The following DNAH11 variants were observed in gnomAD, a reference collection of about 807,000 sequenced individuals.
The protein encoded by DNAH11 is axonemal beta dynein heavy chain 11.
A neutral mutation model predicts 526.0 loss-of-function variants in DNAH11; 442 were observed. The ratio of observed to expected loss-of-function variants is 0.84; its 90% CI spans 0.78 to 0.91. The LOEUF (loss-of-function observed/expected upper bound fraction) is 0.91. Among genes scored for constraint, DNAH11 ranks in the 40% least tolerant of loss-of-function variants. The pLI is 0.00. For synonymous variants in DNAH11, 2,461 were observed against 1,935.9 expected, an observed-to-expected ratio of 1.27 and a Z score of -7.12; for missense variants, 6,989 against 5,448.7, an observed-to-expected ratio of 1.28 and a Z score of -8.90.
At chr7:21,733,656 C>T (rs1362559591) in intron 45 of DNAH11, among the ~76,000 whole-genome samples, 2 of 152,168 alleles carry the variant, frequency 1.3e-5, no homozygotes, top group Non-Finnish European at 1.5e-5. Context: ...TTTCTTTCCA[C>T]ACAGTTGTAC....
intron 14 of DNAH11, among the ~76,000 whole-genome samples, chr7:21,596,931 A>C (rs1784885082): frequency 6.6e-6 from 1 of 152,182 alleles, no homozygotes; most frequent in Admixed American, 6.5e-5. Flanking sequence ...TTTCCTCTTG[A>C]CTTAGCACGT....
At chr7:21,762,251 A>G (rs1048112212) in intron 54 of DNAH11, among the ~76,000 whole-genome samples, 1 of 152,188 alleles carries the variant, frequency 6.6e-6, no homozygotes, top group Non-Finnish European at 1.5e-5. Flanking sequence ...CAAGTAACTC[A>G]GGGAAAGCAT....
chr7:21,606,337 A>AG, intron 18 of DNAH11, 89 bp from the exon 19 acceptor site: 1 of 1,138,574 alleles, frequency 8.8e-7, no homozygotes, highest in Non-Finnish European at 1.2e-6. Flanking sequence ...GAAAAAAAAA[A>AG]AAGAAAGAAA....
intron 6 of DNAH11, among the ~76,000 whole-genome samples, chr7:21,568,164 T>C (rs1023396436): frequency 6.6e-6 from 1 of 152,112 alleles, no homozygotes; most frequent in African/African-American, 2.4e-5. Context: ...AATTGGTTAA[T>C]TGATCATTAG....
chr7:21,724,147 A>G (rs976507845), intron 44 of DNAH11, among the ~76,000 whole-genome samples: 23 of 152,366 alleles, frequency 1.5e-4, no homozygotes, highest in African/African-American at 5.5e-4. Context: ...GCAAAGTTTG[A>G]TATCAAGTAA....
intron 54 of DNAH11, among the ~76,000 whole-genome samples, chr7:21,752,842 A>G (rs1786471031): frequency 6.6e-6 from 1 of 152,080 alleles, no homozygotes; most frequent in Admixed American, 6.5e-5. Flanking sequence ...CCTCCTGAGT[A>G]GCTGGGATTA....
intron 54 of DNAH11, among the ~76,000 whole-genome samples, chr7:21,761,511 G>A (rs773964228): frequency 3.3e-5 from 5 of 152,194 alleles, no homozygotes; most frequent in Non-Finnish European, 7.3e-5. Flanking sequence ...AAGTATTGCT[G>A]TAGACAATTT....
intron 25 of DNAH11, among the ~76,000 whole-genome samples, chr7:21,631,727 G>A (rs1006118709): frequency 1.3e-5 from 2 of 152,168 alleles, no homozygotes; most frequent in African/African-American, 4.8e-5. Context: ...GTGGCTTTTT[G>A]GGGTACAGTC....
chr7:21,754,503 C>T (rs1404729801), intron 54 of DNAH11, among the ~76,000 whole-genome samples: 1 of 151,836 alleles, frequency 6.6e-6, no homozygotes, highest in African/African-American at 2.4e-5. Flanking sequence ...TTTTTATGGT[C>T]TCATTTTTTA....
rs1445969730 is a variant in DNAH11 at position 21,711,695 on chromosome 7, T to C, written c.6835-17T>C. The C allele has an allele frequency of 1.9e-6, 3 of 1,607,024 alleles. No homozygotes were observed. Among genetic ancestry groups the C allele is most frequent in the East Asian group, 4.5e-5 (2 of 44,764 alleles). On this transcript the variant is annotated splice_polypyrimidine_tract_variant and intron_variant, in intron 41 of 81. Transcript: ENST00000409508. ...CATTGCTTTTGCCCATGGGTGACAG[T>C]GTGCTGCTCACTCCAGGTGCTGACC...
chr7:21,877,910 G>A (rs1460493249), intron 74 of DNAH11, among the ~76,000 whole-genome samples: 1 of 150,028 alleles, frequency 6.7e-6, no homozygotes, highest in Non-Finnish European at 1.5e-5. Flanking sequence ...AGCCTCTTGA[G>A]GAAGATGTAG....
At chr7:21,576,503 A>G (rs949883271) in intron 8 of DNAH11, among the ~76,000 whole-genome samples, 1 of 152,180 alleles carries the variant, frequency 6.6e-6, no homozygotes, top group Admixed American at 6.5e-5. Context: ...TATGGATAAT[A>G]TGTTTGATCC....
intron 50 of DNAH11, 49 bp from the exon 51 acceptor site, chr7:21,744,821 C>A: frequency 1.3e-6 from 2 of 1,559,298 alleles, no homozygotes; most frequent in Non-Finnish European, 1.7e-6. Flanking sequence ...TGCAGCTGGA[C>A]CTCTATGGAT....
At chr7:21,700,916 A>G (rs1218312181) in intron 36 of DNAH11, among the ~76,000 whole-genome samples, 2 of 152,270 alleles carry the variant, frequency 1.3e-5, no homozygotes, top group East Asian at 1.9e-4. Context: ...CAGTGAGAAC[A>G]TATGGGCACA....
intron 42 of DNAH11, among the ~76,000 whole-genome samples, chr7:21,716,880 G>A (rs1355164491): frequency 1.3e-5 from 2 of 152,260 alleles, no homozygotes; most frequent in East Asian, 3.9e-4. Context: ...CTATTGTGAA[G>A]CCTTGAGAAA....
rs1441442267 is a variant in DNAH11, at chr7:21,582,008, A to G, written c.1697A>G (p.Glu566Gly). ...CEAFFNCNGL[E>G]AAFKLLTIFG... Reference sequence around the variant, plus strand: ...GCTTTCTTTAACTGCAATGGCTTAGAAGCTGCATTTAAGGTTAGTTCTGAA... The same window carrying G: ...GCTTTCTTTAACTGCAATGGCTTAGGAGCTGCATTTAAGGTTAGTTCTGAA... Residue 566 changes from glutamate (E) to glycine (G), a missense_variant, in exon 9 of 82, where the codon GAA (glutamate) becomes GGA (glycine). Glu to Gly is a moderately conservative substitution (Grantham distance 98). Transcript: ENST00000409508. 1 of 1,609,148 alleles carries G rather than the reference A, an allele frequency of 6.2e-7. No individual in the cohort carries two copies. The highest frequency in any genetic ancestry group is 8.5e-7 in the Non-Finnish European group (1 of 1,175,794).
chr7:21,667,449 A>T (rs1165992217), intron 30 of DNAH11, among the ~76,000 whole-genome samples: 1 of 152,192 alleles, frequency 6.6e-6, no homozygotes, highest in East Asian at 1.9e-4. Flanking sequence ...GTTGGGTTGT[A>T]ATAAAATGGT....
At chr7:21,549,831 G>A (rs1357242356) in intron 2 of DNAH11, among the ~76,000 whole-genome samples, 1 of 152,178 alleles carries the variant, frequency 6.6e-6, no homozygotes, top group African/African-American at 2.4e-5. Context: ...TTGGTTCAGG[G>A]AAAAGATATG....
intron 44 of DNAH11, among the ~76,000 whole-genome samples, chr7:21,721,955 A>G (rs1244987678): frequency 6.6e-6 from 1 of 152,162 alleles, no homozygotes; most frequent in Non-Finnish European, 1.5e-5. Flanking sequence ...AAAGTGAAAT[A>G]TTCATGCCTG....
Sources: gnomAD v4.1 joint callset for allele counts (sites outside exome capture counted in the v4.1 genomes callset) on GRCh38, gnomAD v4.1.1 for gene constraint, MANE v1.5 for transcripts, NCBI Gene and HGNC (gene_info 2026-07-23, HGNC 2026-07-21) for gene names.